The following PLEKHO2 variants were observed in gnomAD, a reference collection of about 807,000 sequenced individuals.
PLEKHO2 encodes the protein pleckstrin homology domain containing O2, also known as pleckstrin homology domain-containing family O member 2.
Under a neutral mutation model 32.7 loss-of-function variants are expected in PLEKHO2, and 20 were observed. That is an observed-to-expected ratio of 0.61 (90% CI 0.43 to 0.89). The LOEUF (loss-of-function observed/expected upper bound fraction) is 0.89, where lower values mean the gene tolerates loss of function less well. Among genes scored for constraint, PLEKHO2 ranks in the 40% least tolerant of loss-of-function variants. PLEKHO2 has a pLI of 0.00. For missense variants in PLEKHO2, 568 were observed against 621.2 expected, an observed-to-expected ratio of 0.91 and a Z score of 0.91; for synonymous variants, 247 against 246.3, an observed-to-expected ratio of 1.00 and a Z score of -0.03.
chr15:64,861,058 C>T (rs1054195436), intron 4 of PLEKHO2, among the ~76,000 whole-genome samples: 2 of 152,240 alleles, frequency 1.3e-5, no homozygotes, highest in African/African-American at 2.4e-5. Flanking sequence ...GGCAGAGGCC[C>T]TGCTCTCTCT....
At position 64,865,606 on chromosome 15, in the gene PLEKHO2, AG is replaced by A. The variant is rs770929514; in HGVS notation, c.1193del (p.Gly398AlafsTer19). 1.2e-6 allele frequency: 2 copies of A among 1,614,212 alleles called. No homozygotes were observed. The highest frequency in any genetic ancestry group is 1.7e-6 in the Non-Finnish European group (2 of 1,180,026). ...CSSLGDLLGE[G>X]PRHPLQPRER... ...CCTCCCTTGGGGACTTGCTTGGGGA[AG>A]GCCCGCGGCATCCCTTGCAGCCCAG... On this transcript the variant is annotated frameshift_variant, in exon 6 of 6. Transcript: ENST00000323544. LOFTEE classifies it high-confidence loss of function.
chr15:64,844,038 C>T (rs977169204), intron 1 of PLEKHO2, among the ~76,000 whole-genome samples: 3 of 152,242 alleles, frequency 2.0e-5, no homozygotes, highest in African/African-American at 7.2e-5. Context: ...TGCTTTCCTC[C>T]CACTTCTCCC....
At chr15:64,854,107 G>C (rs1366618110) in intron 2 of PLEKHO2, among the ~76,000 whole-genome samples, 2 of 152,226 alleles carry the variant, frequency 1.3e-5, no homozygotes, top group African/African-American at 4.8e-5. Context: ...CCACCACTGA[G>C]GGAGGAGCTT....
At chr15:64,856,444 C>G (rs832880) in intron 3 of PLEKHO2, among the ~76,000 whole-genome samples, 58,504 of 151,860 alleles carry the variant, frequency 0.39, 11,717 homozygotes, top group South Asian at 0.46. Flanking sequence ...CCTCTCTGGC[C>G]TCTGCCTGTG....
rs2084487588 is a variant in PLEKHO2, at chr15:64,842,034, G to A, written c.12+6G>A. ...GACTCGCCATGGAGGAGGAGGTGAG[G>A]GCGGGGCCCGGCGGGGCGTTGGGCT... On this transcript the variant is annotated splice_donor_region_variant and intron_variant, in intron 1 of 5. Coordinates refer to ENST00000323544, the MANE Select transcript of PLEKHO2 (RefSeq NM_025201.5). The A allele has an allele frequency of 1.6e-6, 2 of 1,239,490 alleles. No homozygotes were observed. 76.8% of individuals were successfully genotyped at this position (1,239,490 alleles called of 1,614,324 possible).
At chr15:64,850,036 C>T (rs1444384438) in intron 2 of PLEKHO2, among the ~76,000 whole-genome samples, 5 of 151,468 alleles carry the variant, frequency 3.3e-5, no homozygotes, top group Non-Finnish European at 5.9e-5. Context: ...GGTGCATGTC[C>T]GTAATGCCAG....
intron 1 of PLEKHO2, among the ~76,000 whole-genome samples, chr15:64,843,479 C>T (rs141911085): frequency 6.6e-6 from 1 of 152,310 alleles, no homozygotes; most frequent in Admixed American, 6.5e-5. Context: ...ATCTCCTGAT[C>T]TGCGCTGGCC....
At chr15:64,862,490 C>T (rs2084648491) in intron 5 of PLEKHO2, among the ~76,000 whole-genome samples, 1 of 149,714 alleles carries the variant, frequency 6.7e-6, no homozygotes, top group Admixed American at 6.7e-5. Context: ...AGGGTATGGG[C>T]AATGGGGAGG....
In PLEKHO2 at chr15:64,861,565, A is replaced by T; in HGVS notation, c.473A>T (p.His158Leu). The change falls in exon 5 of 6, where the codon CAC becomes CTC. Residue 158 changes from histidine (H) to leucine (L), a missense_variant. His to Leu is a moderately conservative substitution (Grantham distance 99). Transcript: ENST00000323544. Reference protein sequence around the residue: ...GQRRRPPTRVHLKEVASAASD... With the variant: ...GQRRRPPTRVLLKEVASAASD... ...CGACGCCGGCCACCAACGAGAGTCC[A>T]CCTGAAGGAGGTAGGGCCTTACCCA... 1 of 1,602,758 alleles carries T rather than the reference A, an allele frequency of 6.2e-7. No individual in the cohort carries two copies. The highest frequency in any genetic ancestry group is 1.7e-5 in the Admixed American group (1 of 58,284).
intron 3 of PLEKHO2, among the ~76,000 whole-genome samples, chr15:64,856,177 A>G (rs2084605211): frequency 6.6e-6 from 1 of 152,110 alleles, no homozygotes; most frequent in African/African-American, 2.4e-5. Flanking sequence ...AAAGAGTCAC[A>G]TTTTAATCTT....
At chr15:64,850,003 A>G (rs1727780898) in intron 2 of PLEKHO2, among the ~76,000 whole-genome samples, 1 of 151,686 alleles carries the variant, frequency 6.6e-6, no homozygotes, top group African/African-American at 2.4e-5. Context: ...TCTACTAAAA[A>G]TACAAAATTA....
At chr15:64,853,320 A>G (rs1368921657) in intron 2 of PLEKHO2, among the ~76,000 whole-genome samples, 1 of 136,118 alleles carries the variant, frequency 7.3e-6, no homozygotes, top group African/African-American at 2.9e-5. Flanking sequence ...TCTGTTGCCC[A>G]GGCTGGAGTG....
intron 5 of PLEKHO2, among the ~76,000 whole-genome samples, chr15:64,863,171 C>T (rs1346980468): frequency 2.0e-5 from 3 of 152,030 alleles, no homozygotes; most frequent in East Asian, 1.9e-4. Flanking sequence ...CTCCAGACCT[C>T]GTGATCTGCC....
chr15:64,864,597 C>T (rs922799185), intron 5 of PLEKHO2, among the ~76,000 whole-genome samples: 1 of 152,148 alleles, frequency 6.6e-6, no homozygotes, highest in African/African-American at 2.4e-5. Flanking sequence ...TTGTATAGTC[C>T]AGTCCAGGTC....
intron 3 of PLEKHO2, among the ~76,000 whole-genome samples, chr15:64,857,686 CT>C (rs2084614720): frequency 6.6e-6 from 1 of 152,124 alleles, no homozygotes. Flanking sequence ...CTGTGGGAGC[CT>C]TTTGGCTTGC....
intron 3 of PLEKHO2, 24 bp from the exon 4 acceptor site, chr15:64,859,870 C>T (rs1451024404): frequency 3.8e-6 from 6 of 1,589,796 alleles, no homozygotes; most frequent in Non-Finnish European, 5.2e-6. Context: ...CATCTGCCAT[C>T]TACTCCATCC....
At chr15:64,854,854 T>G in intron 2 of PLEKHO2, 67 bp from the exon 3 acceptor site, 100 of 1,220,590 alleles carry the variant, frequency 8.2e-5, no homozygotes, top group Non-Finnish European at 1.1e-4. Flanking sequence ...GTCTGGGACA[T>G]GAGTAGTTGA....
rs2084676344 is a variant in PLEKHO2 at position 64,865,519 on chromosome 15, T to C, written c.1104T>C (p.Asp368=). Reference sequence around the variant, plus strand: ...GCACCCCAGGAACTCCTCCAAAGGATGCAACAACATCCACAGCACTGCCCC... The same window carrying C: ...GCACCCCAGGAACTCCTCCAAAGGACGCAACAACATCCACAGCACTGCCCC... ...AEGTPGTPPK[D]ATTSTALPPW... is the part of the protein sequence containing the mutation. Residue 368 remains aspartate, a synonymous_variant, in exon 6 of 6, where the codon GAT becomes GAC. Coordinates refer to ENST00000323544, the MANE Select transcript of PLEKHO2 (RefSeq NM_025201.5). 3 of 1,613,928 alleles carry C rather than the reference T, an allele frequency of 1.9e-6. No individual in the cohort carries two copies. The highest frequency in any genetic ancestry group is 1.7e-5 in the Admixed American group (1 of 60,006).
intron 2 of PLEKHO2, among the ~76,000 whole-genome samples, chr15:64,849,696 G>T (rs181556626): frequency 6.7e-6 from 1 of 150,266 alleles, no homozygotes; most frequent in Non-Finnish European, 1.5e-5. Context: ...ACCCACCTCC[G>T]CCTCCCAAAG....
Sources: allele counts gnomAD v4.1 joint callset (sites outside exome capture counted in the v4.1 genomes callset), GRCh38; gene constraint gnomAD v4.1.1; transcripts MANE v1.5; gene names NCBI Gene and HGNC (gene_info 2026-07-23, HGNC 2026-07-21).